PRKAG2: variants seen among roughly 807,000 people sequenced by gnomAD.
The protein encoded by PRKAG2 is 5'-AMP-activated protein kinase subunit gamma-2.
PRKAG2 carries 26 observed loss-of-function variants against 69.6 expected under a neutral mutation model. That is an observed-to-expected ratio of 0.37 (90% CI 0.27 to 0.52). The LOEUF is 0.52. Ranked by LOEUF, PRKAG2 falls within the 20% of genes least tolerant of loss-of-function variation. The probability of loss-of-function intolerance (pLI) is 0.90; values close to 1 mark genes in which losing one functional copy is unlikely to be tolerated. For missense variants in PRKAG2, 557 were observed against 740.0 expected (o/e 0.75, Z 2.87); for synonymous variants, 293 against 285.0 (o/e 1.03, Z -0.28).
At chr7:151,677,814 C>A (rs538803492) in intron 3 of PRKAG2, among the ~76,000 whole-genome samples, 1 of 152,356 alleles carries the variant, frequency 6.6e-6, no homozygotes, top group South Asian at 2.1e-4. Flanking sequence ...TGGTCACTTT[C>A]CTTTTTCTGT....
chr7:151,854,856 C>T (rs920159144), intron 1 of PRKAG2, among the ~76,000 whole-genome samples: 4 of 152,026 alleles, frequency 2.6e-5, no homozygotes, highest in Non-Finnish European at 5.9e-5. Context: ...GGGATGGCCT[C>T]GCAGCCCAGT....
chr7:151,721,246 C>T lies in PRKAG2; in HGVS notation c.467-45609G>A, dbSNP rs986706184. Among the ~76,000 whole-genome samples, 8 of 152,042 alleles carry T rather than the reference C, an allele frequency of 5.3e-5. No homozygotes were observed. In the East Asian group the frequency reaches 9.6e-4, roughly 18 times the overall value. On this transcript the variant is annotated intron_variant, in intron 3 of 15. Transcript: ENST00000287878. ...CAGCCACCCATCCTGCATCCTGAAG[C>T]GGGGGTCCTGTCCCCTCTCTGCATC...
At chr7:151,691,563 G>A (rs1476781390) in intron 3 of PRKAG2, among the ~76,000 whole-genome samples, 1 of 150,404 alleles carries the variant, frequency 6.6e-6, no homozygotes, top group East Asian at 1.9e-4. Context: ...ATAATGATAT[G>A]ATATTCACCA....
At position 151,850,830 on chromosome 7, in the gene PRKAG2, A is replaced by G. The variant is rs2079550275; in HGVS notation, c.114+25677T>C. 6.6e-6 allele frequency among the ~76,000 whole-genome samples: 1 copy of G among 152,208 alleles called. No individual in the cohort carries two copies. Among genetic ancestry groups the G allele is most frequent in the Non-Finnish European group, 1.5e-5 (1 of 68,040 alleles). ...GTGTCTACTTTGATGCTGAAGATCT[A>G]GTCCCTCCCCCCACAGTCACTGATG... On this transcript the variant is annotated intron_variant, in intron 1 of 15. Transcript: ENST00000287878. The surrounding 1 kb of genome is among the most constrained non-coding windows in gnomAD (Gnocchi z 4.1).
intron 3 of PRKAG2, among the ~76,000 whole-genome samples, chr7:151,766,277 C>A (rs930893996): frequency 1.3e-5 from 2 of 152,152 alleles, no homozygotes; most frequent in Non-Finnish European, 2.9e-5. Flanking sequence ...GCCCATTTAT[C>A]AAAATCTATT....
chr7:151,798,374 G>A (rs892765928), intron 1 of PRKAG2, among the ~76,000 whole-genome samples: 3 of 152,050 alleles, frequency 2.0e-5, no homozygotes, highest in Admixed American at 6.6e-5. Flanking sequence ...GAGTGTAGTA[G>A]CGCAATCTTG....
intron 5 of PRKAG2, among the ~76,000 whole-genome samples, chr7:151,622,701 G>GCAC (rs1821824185): frequency 6.6e-6 from 1 of 152,178 alleles, no homozygotes; most frequent in Non-Finnish European, 1.5e-5. Flanking sequence ...GCATTTCTCA[G>GCAC]GAACAGGGAT....
At chr7:151,832,519 C>T (rs10238094) in intron 1 of PRKAG2, among the ~76,000 whole-genome samples, 54,982 of 151,304 alleles carry the variant, frequency 0.36, 10,511 homozygotes, top group Non-Finnish European at 0.42. Context: ...GGCGGCTGAA[C>T]ACCCCCTCAG....
intron 5 of PRKAG2, among the ~76,000 whole-genome samples, chr7:151,627,005 C>T (rs1823112332): frequency 6.6e-6 from 1 of 152,116 alleles, no homozygotes. Flanking sequence ...TGAGTGAACA[C>T]ACATTTTTGT....
intron 1 of PRKAG2, among the ~76,000 whole-genome samples, chr7:151,855,682 G>A (rs1319169393): frequency 1.3e-5 from 2 of 151,016 alleles, no homozygotes; most frequent in African/African-American, 4.9e-5. Flanking sequence ...TTGCCAAGCA[G>A]AGAGGCTGCA....
chr7:151,612,905 G>A (rs978222339), intron 5 of PRKAG2, among the ~76,000 whole-genome samples: 1 of 152,194 alleles, frequency 6.6e-6, no homozygotes, highest in Non-Finnish European at 1.5e-5. Flanking sequence ...ACCTTCATTC[G>A]AGCAGTCCAG....
chr7:151,606,157 A>C (rs960057001), intron 5 of PRKAG2, among the ~76,000 whole-genome samples: 2 of 152,156 alleles, frequency 1.3e-5, no homozygotes, highest in Admixed American at 1.3e-4. Flanking sequence ...GGCTTCCCAA[A>C]CTTCTGGGAT....
chr7:151,610,739 CTTTTTTTTTT>C (rs10523596), intron 5 of PRKAG2, among the ~76,000 whole-genome samples: 7 of 105,602 alleles, frequency 6.6e-5, no homozygotes, highest in African/African-American at 2.1e-4. Flanking sequence ...TTTTTCTTTT[CTTTTTTTTTT>C]TTTTTTTTTG....
At chr7:151,658,482 CAAAA>C (rs11286706) in intron 4 of PRKAG2, among the ~76,000 whole-genome samples, 14 of 105,504 alleles carry the variant, frequency 1.3e-4, no homozygotes, top group African/African-American at 2.6e-4. Flanking sequence ...AAGATTGTCG[CAAAA>C]AAAAAAAAAA....
chr7:151,767,000 A>G (rs182333071), intron 3 of PRKAG2, among the ~76,000 whole-genome samples: 1 of 152,356 alleles, frequency 6.6e-6, no homozygotes, highest in African/African-American at 2.4e-5. Context: ...AGATGTGGTT[A>G]GCTGAGATGA....
chr7:151,786,349 G>A lies in PRKAG2; in HGVS notation c.186+121C>T. 3.1e-6 allele frequency: 3 copies of A among 964,274 alleles called. No individual in the cohort carries two copies. The South Asian group carries it at 4.2e-5, about 13-fold the overall frequency. 59.7% of individuals were successfully genotyped at this position (964,274 alleles called of 1,614,324 possible). A position where few individuals can be genotyped will look rare whatever the true frequency, so the allele number is the denominator to read the frequency against. On this transcript the variant is annotated intron_variant, in intron 2 of 15. Transcript: ENST00000287878. ...AGGATGGGCTCGGTTACGGCCAGGTGTGCAAGCGGACATGCGGGTGGGCGT... is the reference window on the plus strand; with the variant it reads ...AGGATGGGCTCGGTTACGGCCAGGTATGCAAGCGGACATGCGGGTGGGCGT...
At chr7:151,609,710 C>T (rs1818321107) in intron 5 of PRKAG2, among the ~76,000 whole-genome samples, 1 of 152,118 alleles carries the variant, frequency 6.6e-6, no homozygotes, top group Non-Finnish European at 1.5e-5. Context: ...TCTTTTGGTC[C>T]AGTCCTGGAA....
At chr7:151,721,222 A>G (rs1797040698) in intron 3 of PRKAG2, among the ~76,000 whole-genome samples, 1 of 152,040 alleles carries the variant, frequency 6.6e-6, no homozygotes, top group South Asian at 2.1e-4. Context: ...CCATCCCTGC[A>G]GCCACCCATC....
chr7:151,721,069 A>C (rs1445469834), intron 3 of PRKAG2, among the ~76,000 whole-genome samples: 6 of 96,222 alleles, frequency 6.2e-5, no homozygotes, highest in Non-Finnish European at 8.3e-5. Flanking sequence ...TGAAGGGGGC[A>C]GAGGGGATGG....
Sources: allele counts gnomAD v4.1 joint callset (sites outside exome capture counted in the v4.1 genomes callset), GRCh38; gene constraint gnomAD v4.1.1; non-coding constraint Gnocchi (gnomAD v3.1); transcripts MANE v1.5; gene names NCBI Gene and HGNC (gene_info 2026-07-23, HGNC 2026-07-21).